The following RAPGEF5 variants were observed in gnomAD, a reference collection of about 807,000 sequenced individuals.
RAPGEF5 encodes the protein M-Ras-regulated GEF.
Under a neutral mutation model 125.2 loss-of-function variants are expected in RAPGEF5, and 65 were observed. The observed-to-expected ratio is 0.52, with a 90% CI of 0.43 to 0.64. RAPGEF5 has a LOEUF of 0.64. Ranked by LOEUF, RAPGEF5 falls within the 30% of genes least tolerant of loss-of-function variation. The probability of loss-of-function intolerance (pLI) is 0.00; values close to 1 mark genes in which losing one functional copy is unlikely to be tolerated. For missense variants in RAPGEF5, 958 were observed against 1,048.1 expected (o/e 0.91, Z 1.19); for synonymous variants, 391 against 385.9 (o/e 1.01, Z -0.16).
intron 24 of RAPGEF5, among the ~76,000 whole-genome samples, chr7:22,126,611 A>G (rs1233525380): frequency 6.6e-6 from 1 of 152,088 alleles, no homozygotes; most frequent in South Asian, 2.1e-4. Flanking sequence ...TAAAACATTA[A>G]CATCATTTTT....
At chr7:22,326,055 C>T (rs1360866332) in intron 1 of RAPGEF5, among the ~76,000 whole-genome samples, 3 of 152,198 alleles carry the variant, frequency 2.0e-5, no homozygotes, top group Admixed American at 1.3e-4. Flanking sequence ...AGCCACCTTT[C>T]TTCCCTTCTT....
chr7:22,213,214 G>A (rs898332527), intron 9 of RAPGEF5, among the ~76,000 whole-genome samples: 1 of 152,216 alleles, frequency 6.6e-6, no homozygotes, highest in East Asian at 1.9e-4. Context: ...TACAGCTAAT[G>A]AGCAGATGGT....
At chr7:22,245,024 C>G (rs922439116) in intron 7 of RAPGEF5, among the ~76,000 whole-genome samples, 4 of 152,196 alleles carry the variant, frequency 2.6e-5, no homozygotes, top group Non-Finnish European at 5.9e-5. Flanking sequence ...TAACAAGTAG[C>G]AGGTGATAGC....
intron 11 of RAPGEF5, among the ~76,000 whole-genome samples, chr7:22,170,331 G>A (rs1399518098): frequency 1.4e-4 from 22 of 152,094 alleles, no homozygotes; most frequent in Admixed American, 1.4e-3. Flanking sequence ...CTGGGATTAC[G>A]GGCGTGAGCC....
intron 13 of RAPGEF5, among the ~76,000 whole-genome samples, chr7:22,161,728 C>G (rs993078977): frequency 6.6e-6 from 1 of 152,166 alleles, no homozygotes. Flanking sequence ...AAAGTAGTTT[C>G]CTTCATGAAA....
At chr7:22,131,675 G>A (rs953316822) in intron 23 of RAPGEF5, among the ~76,000 whole-genome samples, 3 of 152,166 alleles carry the variant, frequency 2.0e-5, no homozygotes, top group Non-Finnish European at 4.4e-5. Context: ...GGCCCCATTC[G>A]ACTAGTAGAA....
chr7:22,145,075 G>A lies in RAPGEF5; in HGVS notation c.2155C>T (p.Leu719=). The part of the protein sequence containing the change: ...LCSQLGKRVQ[L]VKKFIKIAAH... ...GCAATTTTGATGAATTTTTTCACCAGCTGCACTCGCTTGCCCAGCTGGCTG... is the reference window on the plus strand; with the variant it reads ...GCAATTTTGATGAATTTTTTCACCAACTGCACTCGCTTGCCCAGCTGGCTG... Residue 719 remains leucine, a synonymous_variant, in exon 20 of 26, where the codon CTG becomes TTG. Coordinates refer to ENST00000665637, the MANE Select transcript of RAPGEF5 (RefSeq NM_012294.5). 1 of 1,613,596 alleles carries A rather than the reference G, an allele frequency of 6.2e-7. No individual in the cohort carries two copies. Among genetic ancestry groups the A allele is most frequent in the South Asian group, 1.1e-5 (1 of 91,004 alleles).
At position 22,219,996 on chromosome 7, in the gene RAPGEF5, A is replaced by G. The variant is rs374799018; in HGVS notation, c.871-5T>C. 1 of 1,613,092 alleles carries G rather than the reference A, an allele frequency of 6.2e-7. No individual in the cohort carries two copies. The highest frequency in any genetic ancestry group is 8.5e-7 in the Non-Finnish European group (1 of 1,179,470). ...GAGCTTGCACATCACCCCTGCCTTA[A>G]GAGTTGGAGAAAAAGCGAAGATATA... On this transcript the variant is annotated splice_region_variant and splice_polypyrimidine_tract_variant and intron_variant, in intron 8 of 25. Transcript: ENST00000665637.
In RAPGEF5 at chr7:22,317,653, T is replaced by C. The variant is rs748798766; in HGVS notation, c.282+334A>G. ...TGTAAAATATATGCTATTTGTAAAA[T>C]ACAGTGTTTTTAACAATAGCTATAT... On this transcript the variant is annotated intron_variant, in intron 2 of 25. Transcript: ENST00000665637. 2.0e-5 allele frequency among the ~76,000 whole-genome samples: 3 copies of C among 152,218 alleles called. No individual in the cohort carries two copies. The East Asian group carries it at 5.8e-4, about 29-fold the overall frequency.
In RAPGEF5 at chr7:22,262,733, G is replaced by A. The variant is rs552771239; in HGVS notation, c.796+4231C>T. Among the ~76,000 whole-genome samples the A allele has an allele frequency of 9.7e-5, 6 of 62,074 alleles. No individual in the cohort carries two copies. In the South Asian group the frequency reaches 2.1e-3, roughly 22 times the overall value. The allele number at this position is 62,074 out of a possible 152,430, so 40.7% of individuals were successfully genotyped here. A position where few individuals can be genotyped will look rare whatever the true frequency, so the allele number is the denominator to read the frequency against. The stretch of plus-strand genomic sequence containing the variant: ...AAGTATTATGGTACATTCATGCCAC[G>A]GAACACTATTCAGCAATGAAAAAGA... On this transcript the variant is annotated intron_variant, in intron 7 of 25. Coordinates refer to ENST00000665637, the MANE Select transcript of RAPGEF5 (RefSeq NM_012294.5).
chr7:22,210,326 G>A (rs1035765934), intron 9 of RAPGEF5, among the ~76,000 whole-genome samples: 32 of 152,136 alleles, frequency 2.1e-4, no homozygotes, highest in African/African-American at 7.2e-4. Context: ...TTATTCACAG[G>A]GGTGTCAACA....
intron 14 of RAPGEF5, among the ~76,000 whole-genome samples, chr7:22,160,246 T>C (rs1335833966): frequency 6.6e-6 from 1 of 152,238 alleles, no homozygotes; most frequent in Non-Finnish European, 1.5e-5. Flanking sequence ...AATAATTTAC[T>C]AATTGTTTTT....
Position 22,167,052 on chromosome 7 carries a change from G to C in RAPGEF5, c.1283+18C>G. ...TGAGAGGAAGTGGACACAGCAGCCT[G>C]AAGATAATGAAGGATATTGCCTTAA... On this transcript the variant is annotated intron_variant, in intron 12 of 25. Transcript: ENST00000665637. 6.3e-7 allele frequency: 1 copy of C among 1,588,804 alleles called. No homozygotes were observed. Among genetic ancestry groups the C allele is most frequent in the South Asian group, 1.1e-5 (1 of 89,850 alleles).
intron 24 of RAPGEF5, among the ~76,000 whole-genome samples, chr7:22,126,412 G>T (rs1247548916): frequency 6.6e-6 from 1 of 152,174 alleles, no homozygotes; most frequent in African/African-American, 2.4e-5. Flanking sequence ...CACTGTCATT[G>T]CTGTTGAACT....
chr7:22,194,562 C>A, intron 9 of RAPGEF5: 1 of 977,920 alleles, frequency 1.0e-6, no homozygotes, highest in Non-Finnish European at 1.2e-6. Context: ...AAAAAAAAAA[C>A]TACCCACTCC....
chr7:22,302,105 G>T (rs1303572118), intron 5 of RAPGEF5, among the ~76,000 whole-genome samples: 1 of 152,180 alleles, frequency 6.6e-6, no homozygotes, highest in Non-Finnish European at 1.5e-5. Flanking sequence ...CAGACCCTCT[G>T]CTCCCTGTTC....
At chr7:22,135,994 C>A in intron 23 of RAPGEF5, 44 bp downstream of exon 23, 1 of 1,482,822 alleles carries the variant, frequency 6.7e-7, no homozygotes, top group Non-Finnish European at 9.3e-7. Context: ...TAATAAATTT[C>A]TGAAATATGA....
At chr7:22,315,099 C>A (rs1296622339) in intron 3 of RAPGEF5, among the ~76,000 whole-genome samples, 1 of 152,172 alleles carries the variant, frequency 6.6e-6, no homozygotes, top group African/African-American at 2.4e-5. Flanking sequence ...AATATCACAT[C>A]TCAGAGGAAG....
intron 9 of RAPGEF5, chr7:22,194,714 A>G (rs557797692): frequency 8.7e-5 from 86 of 985,360 alleles, no homozygotes; most frequent in Non-Finnish European, 9.8e-5. Context: ...ATGACTGCAC[A>G]GACTTTCTTC....
Sources: allele counts gnomAD v4.1 joint callset (sites outside exome capture counted in the v4.1 genomes callset), GRCh38; gene constraint gnomAD v4.1.1; transcripts MANE v1.5; gene names NCBI Gene and HGNC (gene_info 2026-07-23, HGNC 2026-07-21).